PMEL: variants seen among roughly 807,000 people sequenced by gnomAD.
PMEL encodes premelanosome protein, also known as melanocyte protein PMEL.
Under a neutral mutation model 64.9 loss-of-function variants are expected in PMEL, and 53 were observed. The ratio of observed to expected loss-of-function variants is 0.82; its 90% confidence interval spans 0.66 to 1.03. PMEL has a LOEUF of 1.03. PMEL is among the 50% of genes least tolerant of loss of function. The probability of loss-of-function intolerance (pLI) is 0.00; values close to 1 mark genes in which losing one functional copy is unlikely to be tolerated. For synonymous variants in PMEL, 299 were observed against 316.2 expected, an observed-to-expected ratio of 0.95 and a Z score of 0.58; for missense variants, 716 against 814.9, an observed-to-expected ratio of 0.88 and a Z score of 1.48.
In PMEL at chr12:55,957,445, G is replaced by A; in HGVS notation, c.858C>T (p.Val286=). The A allele has an allele frequency of 1.2e-6, 2 of 1,613,140 alleles. No individual in the cohort carries two copies. Among genetic ancestry groups the A allele is most frequent in the Non-Finnish European group, 1.7e-6 (2 of 1,179,350 alleles). The change falls in exon 6 of 11, where the codon GTC becomes GTT. Residue 286 remains valine (V), a synonymous_variant. Transcript: ENST00000548747. The part of the protein sequence containing the change: ...VTHTYLEPGP[V]TAQVVLQAAI... ...CAGCCTGCAGGACCACCTGGGCAGTGACTGGGCCAGGCTCCAGGTAAGTAT... is the reference window on the plus strand; with the variant it reads ...CAGCCTGCAGGACCACCTGGGCAGTAACTGGGCCAGGCTCCAGGTAAGTAT...
chr12:55,956,807 C>T (rs1194287520), intron 6 of PMEL, 142 bp downstream of exon 6: 9 of 844,506 alleles, frequency 1.1e-5, no homozygotes, highest in African/African-American at 1.7e-5. Context: ...GACTGGAGGG[C>T]TTTATAGCCA....
At chr12:55,965,478 T>C (rs1889264101) in intron 1 of PMEL, among the ~76,000 whole-genome samples, 2 of 136,100 alleles carry the variant, frequency 1.5e-5, no homozygotes, top group South Asian at 5.2e-4. Context: ...GAGACCCCTC[T>C]GCCTATCTCT....
chr12:55,961,369 T>C lies in PMEL; in HGVS notation c.282A>G (p.Gln94=). The C allele has an allele frequency of 6.2e-7, 1 of 1,614,190 alleles. No homozygotes were observed. Among genetic ancestry groups the C allele is most frequent in the Non-Finnish European group, 8.5e-7 (1 of 1,180,024 alleles). ...TAACCTGCCCATCTGGCAATACCTT[T>C]TGGCTTCCAGGGAAGTTCAAGGCAA... The part of the protein sequence containing the change: ...FSIALNFPGS[Q]KVLPDGQVIW... Residue 94 remains glutamine (Q), a synonymous_variant, in exon 3 of 11, where the codon CAA becomes CAG. Coordinates refer to ENST00000548747, the MANE Select transcript of PMEL (RefSeq NM_001384361.1).
At chr12:55,964,759 G>A (rs1889224182) in intron 1 of PMEL, among the ~76,000 whole-genome samples, 1 of 151,676 alleles carries the variant, frequency 6.6e-6, no homozygotes, top group Non-Finnish European at 1.5e-5. Context: ...CCAAGTAGTT[G>A]GGATTACAGG....
chr12:55,954,267 A>T lies in PMEL; in HGVS notation c.1933T>A (p.Cys645Ser), dbSNP rs530360077. ...SHWLRLPRIF[C>S]SCPIGENSPL... is the part of the protein sequence containing the mutation. The stretch of plus-strand genomic sequence containing the variant: ...CTGTTCTCACCAATGGGACAAGAGC[A>T]GAAGATGCGGGGTAGACGCAGCCAG... The change falls in exon 11 of 11, where the codon TGC becomes AGC. Residue 645 changes from cysteine (C) to serine (S), a missense_variant. Transcript: ENST00000548747. The T allele has an allele frequency of 3.9e-5, 63 of 1,614,040 alleles. No individual in the cohort carries two copies. The South Asian group carries it at 5.8e-4, about 15-fold the overall frequency.
chr12:55,957,701 C>G (rs1250443305), intron 5 of PMEL, 30 bp from the exon 6 acceptor site: 1 of 1,580,170 alleles, frequency 6.3e-7, no homozygotes, highest in East Asian at 2.2e-5. Flanking sequence ...AGGTGAGAAC[C>G]AGGCCTGAGC....
At chr12:55,965,908 C>T in intron 1 of PMEL, 28 bp downstream of exon 1, 1 of 1,614,072 alleles carries the variant, frequency 6.2e-7, no homozygotes, top group South Asian at 1.1e-5. Context: ...AAGTTCACAC[C>T]TGCTCATGTC....
At chr12:55,961,805 C>T in intron 1 of PMEL, 73 bp from the exon 2 acceptor site, 1 of 878,350 alleles carries the variant, frequency 1.1e-6, no homozygotes, top group South Asian at 1.4e-5. Context: ...CTATTCATGT[C>T]ACTCCATTCA....
chr12:55,961,211 GA>G (rs571045161), intron 3 of PMEL, 105 bp downstream of exon 3: 93,939 of 846,252 alleles, frequency 0.11, 5 homozygotes, highest in South Asian at 0.13. Flanking sequence ...TCTCAAAAAA[GA>G]AAAAAAAAAA....
intron 3 of PMEL, 61 bp from the exon 4 acceptor site, chr12:55,958,668 C>T (rs1888991848): frequency 6.5e-7 from 1 of 1,546,586 alleles, no homozygotes; most frequent in Non-Finnish European, 8.8e-7. Context: ...TATCAAAACC[C>T]CTAAAATTGC....
intron 6 of PMEL, chr12:55,956,463 T>C (rs1193094657): frequency 4.3e-6 from 2 of 460,226 alleles, no homozygotes; most frequent in Non-Finnish European, 7.8e-6. Context: ...TCCTCAAATG[T>C]TTATCACACC....
intron 3 of PMEL, 34 bp downstream of exon 3, chr12:55,961,283 T>C (rs752335466): frequency 1.9e-6 from 3 of 1,606,224 alleles, no homozygotes; most frequent in Non-Finnish European, 2.6e-6. Flanking sequence ...ACCTGAGCCC[T>C]AGGAATAAGG....
chr12:55,966,045 G>C, upstream of PMEL: 1 of 1,614,192 alleles, frequency 6.2e-7, no homozygotes, highest in East Asian at 2.2e-5. Context: ...AAGGCACTGG[G>C]GGGACTGGGA....
intron 1 of PMEL, among the ~76,000 whole-genome samples, chr12:55,962,683 C>T (rs1889150296): frequency 6.6e-6 from 1 of 150,922 alleles, no homozygotes; most frequent in East Asian, 2.1e-4. Flanking sequence ...ACCACCACAC[C>T]CAACTAATTT....
chr12:55,965,824 G>A, intron 1 of PMEL, 112 bp downstream of exon 1: 1 of 1,314,930 alleles, frequency 7.6e-7, no homozygotes, highest in Non-Finnish European at 1.1e-6. Context: ...AATCAAATGA[G>A]TGGGAGACGC....
intron 3 of PMEL, among the ~76,000 whole-genome samples, chr12:55,959,021 C>T (rs182768700): frequency 1.1e-4 from 17 of 151,166 alleles, no homozygotes; most frequent in African/African-American, 3.4e-4. Context: ...CTTAAGCAAT[C>T]CTCCCACCTC....
Position 55,957,622 on chromosome 12 carries a change from T to G in PMEL, c.681A>C (p.Gly227=). 6.2e-7 allele frequency: 1 copy of G among 1,613,142 alleles called. No individual in the cohort carries two copies. The change falls in exon 6 of 11, where the codon GGA becomes GGC. Residue 227 remains glycine (G), a synonymous_variant. Coordinates refer to ENST00000548747, the MANE Select transcript of PMEL (RefSeq NM_001384361.1). ...VSVSQLRALD[G]GNKHFLRNQP... is the part of the protein sequence containing the mutation. ...GATTTCTCAGGAAGTGCTTGTTCCC[T>G]CCATCCAAGGCCCGCAACTGGGACA...
intron 6 of PMEL, 95 bp from the exon 7 acceptor site, chr12:55,956,314 T>A: frequency 1.3e-6 from 1 of 761,664 alleles, no homozygotes; most frequent in Non-Finnish European, 2.3e-6. Context: ...GAACCAGAGT[T>A]ACTGGATTCT....
At chr12:55,956,249 C>T in intron 6 of PMEL, 30 bp from the exon 7 acceptor site, 1 of 1,435,670 alleles carries the variant, frequency 7.0e-7, no homozygotes, top group Non-Finnish European at 9.8e-7. Flanking sequence ...GAGGCAAGAT[C>T]AAGAGACAGA....
Sources: gnomAD v4.1 joint callset for allele counts (sites outside exome capture counted in the v4.1 genomes callset) on GRCh38, gnomAD v4.1.1 for gene constraint, MANE v1.5 for transcripts, NCBI Gene and HGNC (gene_info 2026-07-23, HGNC 2026-07-21) for gene names.